Variants in ARFIP1 observed in about 807,000 individuals in gnomAD.
ARFIP1 encodes ARF interacting protein 1, also known as arfaptin-1.
In ARFIP1, 24 loss-of-function variants were observed where a neutral mutation model predicts 42.5. The observed-to-expected ratio is 0.57, with a 90% confidence interval of 0.41 to 0.80. ARFIP1 has a LOEUF of 0.80. ARFIP1 is among the 30% of genes least tolerant of loss of function. ARFIP1 has a pLI of 0.00. For missense variants in ARFIP1, 354 were observed against 434.0 expected (o/e 0.82, Z 1.64); for synonymous variants, 141 against 153.7 (o/e 0.92, Z 0.61).
chr4:152,871,658 T>A (rs1166734507), intron 4 of ARFIP1, among the ~76,000 whole-genome samples: 1 of 152,168 alleles, frequency 6.6e-6, no homozygotes, highest in Non-Finnish European at 1.5e-5. Context: ...TTATTCTTTT[T>A]AAATTATTAG....
chr4:152,806,149 C>T (rs947539704), intron 1 of ARFIP1, among the ~76,000 whole-genome samples: 2 of 152,134 alleles, frequency 1.3e-5, no homozygotes, highest in Non-Finnish European at 2.9e-5. Flanking sequence ...CAGATATTTG[C>T]CTTTCTTTAG....
Position 152,912,004 on chromosome 4 carries a change from T to C in ARFIP1, c.*1785T>C, listed in dbSNP as rs1196381298. ...GTTTTCTGAACCTTAAAAAAAAAGG[T>C]ACTTCTGTCACTTATAATTGTTTTA... On this transcript the variant is annotated 3_prime_UTR_variant, in exon 9 of 9. Transcript: ENST00000353617. 2.0e-5 allele frequency: 3 copies of C among 152,694 alleles called. No individual in the cohort carries two copies. Among genetic ancestry groups the C allele is most frequent in the South Asian group, 2.1e-4 (1 of 4,826 alleles). 9.5% of individuals were successfully genotyped at this position (152,694 alleles called of 1,614,324 possible).
Position 152,910,078 on chromosome 4 carries a change from C to T in ARFIP1, c.981C>T (p.His327=), listed in dbSNP as rs769842588. The T allele has an allele frequency of 2.5e-6, 4 of 1,614,004 alleles. No homozygotes were observed. The African/African-American group carries it at 5.3e-5, about 22-fold the overall frequency. The change falls in exon 9 of 9, where the codon CAC becomes CAT. Residue 327 remains histidine, a synonymous_variant. Transcript: ENST00000353617. ...CCTGTCCACAGGTTAAAGTATTGCA[C>T]AATCAGCTGGTCCTTTTCCACAATG... ...FLEENKVKVL[H]NQLVLFHNAI... is the part of the protein sequence containing the mutation.
intron 1 of ARFIP1, among the ~76,000 whole-genome samples, chr4:152,818,993 G>T (rs1437181245): frequency 1.3e-5 from 2 of 152,302 alleles, no homozygotes; most frequent in African/African-American, 4.8e-5. Context: ...CCAGAGAAAG[G>T]ACTTGCCTGA....
chr4:152,804,270 A>ATATAACATAACATGTATTATATATAT (rs1728756512), intron 1 of ARFIP1, among the ~76,000 whole-genome samples: 1 of 50,172 alleles, frequency 2.0e-5, no homozygotes, highest in Non-Finnish European at 3.5e-5. Flanking sequence ...ATTATATATT[A>ATATAACATAACATGTATTATATATAT]TATATATAAC....
At chr4:152,820,923 C>T (rs908063295) in intron 1 of ARFIP1, among the ~76,000 whole-genome samples, 1 of 152,038 alleles carries the variant, frequency 6.6e-6, no homozygotes, top group Non-Finnish European at 1.5e-5. Context: ...AGCTAAGTGA[C>T]AATAAACTAC....
chr4:152,863,587 T>G lies in ARFIP1; in HGVS notation c.94-19T>G. ...GGATTTTTTTACAAAGTTTTTTCTTTTATTTAAATCTTGCTAAGGATTTGA... is the reference window on the plus strand; with the variant it reads ...GGATTTTTTTACAAAGTTTTTTCTTGTATTTAAATCTTGCTAAGGATTTGA... On this transcript the variant is annotated intron_variant, in intron 2 of 8. Transcript: ENST00000353617. 1 of 1,441,134 alleles carries G rather than the reference T, an allele frequency of 6.9e-7. No homozygotes were observed. Among genetic ancestry groups the G allele is most frequent in the African/African-American group, 1.4e-5 (1 of 70,416 alleles). 89.3% of individuals were successfully genotyped at this position (1,441,134 alleles called of 1,614,324 possible).
chr4:152,885,167 C>T (rs1301106568), intron 7 of ARFIP1, among the ~76,000 whole-genome samples: 1 of 152,032 alleles, frequency 6.6e-6, no homozygotes, highest in Admixed American at 6.6e-5. Flanking sequence ...CAAAAAGAAT[C>T]CAAGGTTAAA....
chr4:152,791,125 A>G (rs1731126140), intron 1 of ARFIP1, among the ~76,000 whole-genome samples: 1 of 152,236 alleles, frequency 6.6e-6, no homozygotes, highest in Non-Finnish European at 1.5e-5. Flanking sequence ...GCTTTTACAG[A>G]TACCAGATAG....
intron 8 of ARFIP1, among the ~76,000 whole-genome samples, chr4:152,909,036 A>C (rs2149918119): frequency 6.6e-6 from 1 of 152,126 alleles, no homozygotes; most frequent in Non-Finnish European, 1.5e-5. Context: ...AATTTTAATG[A>C]ATGTCATATT....
At chr4:152,811,621 G>A (rs1436541234) in intron 1 of ARFIP1, among the ~76,000 whole-genome samples, 5 of 152,168 alleles carry the variant, frequency 3.3e-5, no homozygotes, top group African/African-American at 7.2e-5. Context: ...AGTGAAGCCC[G>A]AAAAGTTGAT....
At chr4:152,829,381 A>T (rs1269999731) in intron 1 of ARFIP1, among the ~76,000 whole-genome samples, 5 of 152,170 alleles carry the variant, frequency 3.3e-5, no homozygotes, top group Admixed American at 1.3e-4. Context: ...AGAGGCAAGG[A>T]TAGTGCCTCT....
intron 2 of ARFIP1, among the ~76,000 whole-genome samples, chr4:152,861,454 CTT>C (rs1733888605): frequency 6.6e-6 from 1 of 151,922 alleles, no homozygotes; most frequent in Non-Finnish European, 1.5e-5. Context: ...CAGTGAAAAA[CTT>C]AAGGAAAAAA....
At position 152,815,986 on chromosome 4, in the gene ARFIP1, C is replaced by T. The variant is rs542104948; in HGVS notation, c.-9-13639C>T. ...GTCTCGATCTCCTGACCTCGTGTTC[C>T]GCCCGCCTCAGCCTCCCAAAGTGCT... On this transcript the variant is annotated intron_variant, in intron 1 of 8. Coordinates refer to ENST00000353617, the MANE Select transcript of ARFIP1 (RefSeq NM_001025595.3). Among the ~76,000 whole-genome samples, 6 of 152,154 alleles carry T rather than the reference C, an allele frequency of 3.9e-5. No homozygotes were observed. In the South Asian group the frequency reaches 8.3e-4, roughly 21 times the overall value.
At chr4:152,867,269 G>A (rs578228560) in intron 3 of ARFIP1, among the ~76,000 whole-genome samples, 16 of 152,060 alleles carry the variant, frequency 1.1e-4, no homozygotes, top group South Asian at 2.1e-4. Flanking sequence ...TGAGGCTGGC[G>A]GATCACTCGC....
intron 8 of ARFIP1, among the ~76,000 whole-genome samples, chr4:152,906,005 T>A (rs1738329447): frequency 6.6e-6 from 1 of 152,236 alleles, no homozygotes; most frequent in Admixed American, 6.5e-5. Flanking sequence ...TAATTTATGC[T>A]TTGTGTATAT....
In ARFIP1 at chr4:152,906,794, T is replaced by C. The variant is rs146497483; in HGVS notation, c.967-3270T>C. 7.3e-3 allele frequency among the ~76,000 whole-genome samples: 1,112 copies of C among 152,300 alleles called. 6 individuals carry two copies. The highest frequency in any genetic ancestry group is 0.012 in the Non-Finnish European group (844 of 68,000). On this transcript the variant is annotated intron_variant, in intron 8 of 8. Transcript: ENST00000353617. Reference sequence around the variant, plus strand: ...TCTTACCGCATATACCAGGCCCTTATTCACTCTGCTGCAGTCATAGAGGCC... The same window carrying C: ...TCTTACCGCATATACCAGGCCCTTACTCACTCTGCTGCAGTCATAGAGGCC...
intron 1 of ARFIP1, among the ~76,000 whole-genome samples, chr4:152,783,411 A>T (rs1005467400): frequency 6.6e-6 from 1 of 152,226 alleles, no homozygotes; most frequent in Non-Finnish European, 1.5e-5. Flanking sequence ...TAACAGTTAC[A>T]TTTATTTGCT....
intron 2 of ARFIP1, among the ~76,000 whole-genome samples, chr4:152,854,033 C>G (rs1420521608): frequency 6.6e-6 from 1 of 151,340 alleles, no homozygotes; most frequent in African/African-American, 2.4e-5. Context: ...CTGCCTCAAC[C>G]TCCTGTGCAG....
Sources: gnomAD v4.1 joint callset for allele counts (sites outside exome capture counted in the v4.1 genomes callset) on GRCh38, gnomAD v4.1.1 for gene constraint, MANE v1.5 for transcripts, NCBI Gene and HGNC (gene_info 2026-07-23, HGNC 2026-07-21) for gene names.